The following ADAMTS7 variants were observed in gnomAD, a reference collection of about 807,000 sequenced individuals.
ADAMTS7 encodes the protein A disintegrin and metalloproteinase with thrombospondin motifs 7.
A neutral mutation model predicts 172.6 loss-of-function variants in ADAMTS7; 89 were observed. That is an observed-to-expected ratio of 0.52 (90% CI 0.43 to 0.61). ADAMTS7 has a LOEUF of 0.61. ADAMTS7 is among the 20% of genes least tolerant of loss of function. The pLI, the probability that ADAMTS7 is intolerant of heterozygous loss-of-function variation, is 0.00. For missense variants in ADAMTS7, 1,973 were observed against 2,355.6 expected, an observed-to-expected ratio of 0.84 and a Z score of 3.36; for synonymous variants, 885 against 978.4, an observed-to-expected ratio of 0.90 and a Z score of 1.78.
chr15:78,774,262 ACT>A lies in ADAMTS7; in HGVS notation c.1913_1914del (p.Glu638ValfsTer32). On this transcript the variant is annotated frameshift_variant, in exon 13 of 24. Coordinates refer to ENST00000388820, the MANE Select transcript of ADAMTS7 (RefSeq NM_014272.5). LOFTEE classifies it high-confidence loss of function. Reference protein sequence around the residue: ...PCELHCRPANEYFAEKLRDAV... With the variant: ...PCELHCRPANXYFAEKLRDAV... Reference sequence around the variant, plus strand: ...GCGTCCCGCAGCTTCTCGGCAAAGTACTCATTCGCGGGCCGGCAGTGCAGCTC... The same window carrying A: ...GCGTCCCGCAGCTTCTCGGCAAAGTACATTCGCGGGCCGGCAGTGCAGCTC... 1 of 1,579,328 alleles carries A rather than the reference ACT, an allele frequency of 6.3e-7. No homozygotes were observed. Among genetic ancestry groups the A allele is most frequent in the Non-Finnish European group, 8.5e-7 (1 of 1,172,120 alleles).
Position 78,771,168 on chromosome 15 carries a change from C to A in ADAMTS7, c.2512G>T (p.Gly838Cys). 2 of 1,607,630 alleles carry A rather than the reference C, an allele frequency of 1.2e-6. No homozygotes were observed. The highest frequency in any genetic ancestry group is 1.7e-6 in the Non-Finnish European group (2 of 1,177,542). Residue 838 changes from glycine to cysteine, a missense_variant, in exon 16 of 24, where the codon GGC becomes TGC. Physicochemically the swap from Gly to Cys is radical, Grantham distance 159 (BLOSUM62 -3). This residue lies in a region of ADAMTS7 where 771 missense variants were observed against 952.6 expected (regional missense o/e 0.81). Transcript: ENST00000388820. The surrounding 1 kb of genome is among the most constrained non-coding windows in gnomAD (Gnocchi z 4.9). The stretch of plus-strand genomic sequence containing the variant: ...TGCCTGCCCCACTTCTCACCTCTGC[C>A]GCAGGTGACTGTGCACTTGGTCCAG... ...GPWTKCTVTC[G>C]RGVQRQNVYC...
chr15:78,781,679 TG>T (rs1163500615), intron 8 of ADAMTS7, among the ~76,000 whole-genome samples: 2 of 152,196 alleles, frequency 1.3e-5, no homozygotes, highest in African/African-American at 4.8e-5. Flanking sequence ...TCTGGGCAGC[TG>T]GGAACAAGCC....
In ADAMTS7 at chr15:78,764,523, G is replaced by A. The variant is rs986647827; in HGVS notation, c.4419+32C>T. ...AACCAGGGCTCCACCCCATGCCCTG[G>A]GAATGCCTGTCCTGGCTCCATCCTC... On this transcript the variant is annotated intron_variant, in intron 20 of 23. Transcript: ENST00000388820. The A allele has an allele frequency of 8.5e-6, 13 of 1,527,904 alleles. No individual in the cohort carries two copies. The Admixed American group carries it at 2.6e-4, about 31-fold the overall frequency. The allele number at this position is 1,527,904 out of a possible 1,614,324, so 94.6% of individuals were successfully genotyped here.
At chr15:78,795,963 C>T (rs763251963) in intron 4 of ADAMTS7, among the ~76,000 whole-genome samples, 2 of 152,198 alleles carry the variant, frequency 1.3e-5, no homozygotes, top group East Asian at 1.9e-4. Context: ...GCAAGTTACT[C>T]GCCCTCTGAA....
chr15:78,791,035 G>T lies in ADAMTS7; in HGVS notation c.903+105C>A, dbSNP rs1214417001. The T allele has an allele frequency of 5.1e-6, 7 of 1,372,048 alleles. No homozygotes were observed. In the African/African-American group the frequency reaches 7.1e-5, roughly 14 times the overall value. The allele number at this position is 1,372,048 out of a possible 1,614,324, so 85.0% of individuals were successfully genotyped here. A position where few individuals can be genotyped will look rare whatever the true frequency, so the allele number is the denominator to read the frequency against. ...CAGGGGACACGGTCCAGGCCAAGGCGGCCTTCACTGTGCCCTTCCATAAAG... is the reference window on the plus strand; with the variant it reads ...CAGGGGACACGGTCCAGGCCAAGGCTGCCTTCACTGTGCCCTTCCATAAAG... On this transcript the variant is annotated intron_variant, in intron 5 of 23. Coordinates refer to ENST00000388820, the MANE Select transcript of ADAMTS7 (RefSeq NM_014272.5).
At position 78,764,679 on chromosome 15, in the gene ADAMTS7, A is replaced by G. The variant is rs749661667; in HGVS notation, c.4295T>C (p.Val1432Ala). Residue 1432 changes from valine to alanine, a missense_variant, in exon 20 of 24, where the codon GTC becomes GCC. By Grantham distance (64) the Val-to-Ala change is moderately conservative. Around this residue, in one of 8 missense-constraint regions of ADAMTS7, gnomAD observed 218 missense variants for 216.9 expected, o/e 1.01. Transcript: ENST00000388820. ...ECSTTCGLGAVWRPVRCSSGR... is the reference protein window; with the variant it reads ...ECSTTCGLGAAWRPVRCSSGR... Reference sequence around the variant, plus strand: ...GGAGCTACAGCGCACCGGCCTCCAGACCGCACCCAGGCCACAGGTGGTAGA... The same window carrying G: ...GGAGCTACAGCGCACCGGCCTCCAGGCCGCACCCAGGCCACAGGTGGTAGA... 3.8e-6 allele frequency: 6 copies of G among 1,560,220 alleles called. No homozygotes were observed. The highest frequency in any genetic ancestry group is 1.2e-5 in the South Asian group (1 of 85,012).
intron 12 of ADAMTS7, 123 bp downstream of exon 12, chr15:78,774,501 A>G: frequency 6.7e-7 from 1 of 1,491,406 alleles, no homozygotes; most frequent in East Asian, 2.3e-5. Flanking sequence ...GCCCCAGGGG[A>G]CAGTGGGAGT....
rs1051057941 is a variant in ADAMTS7 at position 78,788,224 on chromosome 15, G to A, written c.1322+7C>T. On this transcript the variant is annotated splice_region_variant and intron_variant, in intron 8 of 23. Coordinates refer to ENST00000388820, the MANE Select transcript of ADAMTS7 (RefSeq NM_014272.5). ...AAGGTATAGGGGCCCAGGGCTGGGG[G>A]ACTTACTCAAGGAACCTGGTGATAT... 6 of 1,613,220 alleles carry A rather than the reference G, an allele frequency of 3.7e-6. No homozygotes were observed. The African/African-American group carries it at 5.3e-5, about 14-fold the overall frequency.
At position 78,766,675 on chromosome 15, in the gene ADAMTS7, C is replaced by G. The variant is rs138120107; in HGVS notation, c.3236G>C (p.Gly1079Ala). 6.2e-7 allele frequency: 1 copy of G among 1,610,916 alleles called. No individual in the cohort carries two copies. Among genetic ancestry groups the G allele is most frequent in the Non-Finnish European group, 8.5e-7 (1 of 1,179,798 alleles). ...FINFHEDLSY[G>A]PSEEPDLDLA... ...GTCTAGATCGGGCTCCTCAGAGGGC[C>G]CGTAGGACAGATCCTCGTGGAAATT... Residue 1079 changes from glycine to alanine, a missense_variant, in exon 19 of 24, where the codon GGG becomes GCG. Gly to Ala is a moderately conservative substitution (Grantham distance 60). This residue lies in a region of ADAMTS7 where 771 missense variants were observed against 952.6 expected (regional missense o/e 0.81). Transcript: ENST00000388820.
At chr15:78,765,204 C>T (rs2055119504) in intron 19 of ADAMTS7, 1 of 236,150 alleles carries the variant, frequency 4.2e-6, no homozygotes, top group African/African-American at 2.3e-5. Flanking sequence ...GGGAGGGGCA[C>T]TAGCCAGCTT....
chr15:78,767,827 T>A (rs988721694), intron 17 of ADAMTS7, among the ~76,000 whole-genome samples: 1 of 151,634 alleles, frequency 6.6e-6, no homozygotes, highest in Non-Finnish European at 1.5e-5. Context: ...AAACTGAGCA[T>A]GACCTAAGGC....
Position 78,771,665 on chromosome 15 carries a change from T to G in ADAMTS7, c.2296A>C (p.Thr766Pro), listed in dbSNP as rs376272738. Residue 766 changes from threonine to proline, a missense_variant, in exon 15 of 24, where the codon ACC becomes CCC. Coordinates refer to ENST00000388820, the MANE Select transcript of ADAMTS7 (RefSeq NM_014272.5). This position sits in a 1 kb window ranked among gnomAD's most constrained non-coding sequence, Gnocchi z 4.9. ...CCCCTGCGTGCGTATGTGAAGGTGG[T>G]CCCTGCCACCTGGTAGTCCCCGTTC... is the stretch of plus-strand genomic sequence containing the variant. ...QWNGDYQVAG[T>P]TFTYARRGNW... The G allele has an allele frequency of 6.2e-7, 1 of 1,602,836 alleles. No homozygotes were observed. Among genetic ancestry groups the G allele is most frequent in the Non-Finnish European group, 8.5e-7 (1 of 1,179,848 alleles).
At chr15:78,764,427 T>A in intron 20 of ADAMTS7, 128 bp downstream of exon 20, 1 of 1,231,986 alleles carries the variant, frequency 8.1e-7, no homozygotes, top group Non-Finnish European at 1.1e-6. Context: ...GAATCCGGTG[T>A]GATCGGGCAC....
chr15:78,787,050 G>T (rs547434415), intron 8 of ADAMTS7, among the ~76,000 whole-genome samples: 2 of 151,982 alleles, frequency 1.3e-5, no homozygotes, highest in African/African-American at 4.8e-5. Context: ...TTACTTTATT[G>T]TAAGAATACA....
chr15:78,796,500 G>T (rs1259332841), intron 4 of ADAMTS7, 90 bp downstream of exon 4: 2 of 1,459,078 alleles, frequency 1.4e-6, no homozygotes, highest in Non-Finnish European at 9.3e-7. Context: ...CTGGGGTCCA[G>T]CCTGACAGCC....
At position 78,765,794 on chromosome 15, in the gene ADAMTS7, G is replaced by A; in HGVS notation, c.4117C>T (p.Leu1373=). The change falls in exon 19 of 24, where the codon CTG becomes TTG. Residue 1373 remains leucine (L), a synonymous_variant. Transcript: ENST00000388820. ...LSPEVPLSSR[L]LSTPAWDSPA... Reference sequence around the variant, plus strand: ...CTGTCCCAAGCTGGTGTGGACAGCAGCCTAGAGCTCAGGGGCACCTCAGGG... The same window carrying A: ...CTGTCCCAAGCTGGTGTGGACAGCAACCTAGAGCTCAGGGGCACCTCAGGG... 6.2e-7 allele frequency: 1 copy of A among 1,605,140 alleles called. No homozygotes were observed. Among genetic ancestry groups the A allele is most frequent in the Non-Finnish European group, 8.5e-7 (1 of 1,177,702 alleles).
At chr15:78,761,726 C>CTG (rs140458786) in intron 23 of ADAMTS7, among the ~76,000 whole-genome samples, 150 of 151,740 alleles carry the variant, frequency 9.9e-4, no homozygotes, top group African/African-American at 2.8e-3. Flanking sequence ...AAGTGTATGA[C>CTG]TGTGTGTGTG....
intron 8 of ADAMTS7, 124 bp from the exon 9 acceptor site, chr15:78,777,712 C>A (rs2055371538): frequency 8.0e-7 from 1 of 1,255,142 alleles, no homozygotes; most frequent in African/African-American, 1.5e-5. Context: ...GTAGGAAACT[C>A]CAGCCTCCCC....
At chr15:78,763,646 G>C (rs1386906816) in intron 22 of ADAMTS7, 53 bp downstream of exon 22, 2 of 1,500,156 alleles carry the variant, frequency 1.3e-6, no homozygotes, top group Admixed American at 4.4e-5. Flanking sequence ...ACCCAAGACT[G>C]ACCAGGCGCC....
Sources: gnomAD v4.1 joint callset for allele counts (sites outside exome capture counted in the v4.1 genomes callset) on GRCh38, gnomAD v4.1.1 for gene constraint, gnomAD v4.1.1 regional missense constraint, Gnocchi (gnomAD v3.1) non-coding constraint, MANE v1.5 for transcripts, NCBI Gene and HGNC (gene_info 2026-07-23, HGNC 2026-07-21) for gene names.